FSAF1: variants seen among roughly 807,000 people sequenced by gnomAD.
FSAF1 encodes 40S small subunit processome assembly factor 1, also known as uncharacterized protein C1orf131.
chr1:231,230,147 CTT>C, the FSAF1 span, among the ~76,000 whole-genome samples: 1 of 152,048 alleles, frequency 6.6e-6, no homozygotes, highest in African/African-American at 2.4e-5. Context: ...GGAGACAATA[CTT>C]TTTAGGGTCT....
At chr1:231,238,056 C>G in the FSAF1 span, 1 of 152,300 alleles carries the variant, frequency 6.6e-6, no homozygotes, top group East Asian at 1.9e-4. Flanking sequence ...GTGGCAGGCA[C>G]CTGTAGTCCC....
the FSAF1 span, chr1:231,229,027 T>C: frequency 1.9e-5 from 11 of 586,760 alleles, 1 homozygote; most frequent in South Asian, 2.7e-4. Context: ...ACCTAACATC[T>C]ATACTACATA....
At chr1:231,225,269 T>C in the FSAF1 span, 5 of 583,950 alleles carry the variant, frequency 8.6e-6, no homozygotes. Context: ...AGTGGAAGAT[T>C]GGAGAAACTT....
the FSAF1 span, chr1:231,240,905 G>A: frequency 0.02 from 17,111 of 875,368 alleles, 227 homozygotes; most frequent in Non-Finnish European, 0.025. This position sits in a 1 kb window ranked among gnomAD's most constrained non-coding sequence, Gnocchi z 4.1. Flanking sequence ...GGGACGAAGG[G>A]TGCTTGACAT....
At chr1:231,228,940 G>C in the FSAF1 span, among the ~76,000 whole-genome samples, 1 of 152,200 alleles carries the variant, frequency 6.6e-6, no homozygotes, top group Admixed American at 6.5e-5. Flanking sequence ...AGTGATCTGA[G>C]ATGGTGCCAT....
chr1:231,224,938 C>G, the FSAF1 span: 1 of 165,542 alleles, frequency 6.0e-6, no homozygotes, highest in South Asian at 1.7e-4. Context: ...AGATACAGAT[C>G]GGTGGCCAGA....
At chr1:231,230,460 G>A in the FSAF1 span, among the ~76,000 whole-genome samples, 944 of 152,238 alleles carry the variant, frequency 6.2e-3, 13 homozygotes, top group Non-Finnish European at 7.8e-3. Flanking sequence ...AGAAAATGAT[G>A]TTGCTGCAAA....
chr1:231,228,748 A>G, the FSAF1 span, among the ~76,000 whole-genome samples: 1 of 152,202 alleles, frequency 6.6e-6, no homozygotes. Context: ...GCACTCTGGG[A>G]GGCCGAGATG....
the FSAF1 span, chr1:231,226,646 T>C: frequency 8.5e-7 from 1 of 1,175,226 alleles, no homozygotes; most frequent in Non-Finnish European, 1.3e-6. Flanking sequence ...GTGCCTTCAT[T>C]GCTCTCCAAG....
At chr1:231,239,272 A>C in the FSAF1 span, 4 of 1,225,246 alleles carry the variant, frequency 3.3e-6, no homozygotes, top group Non-Finnish European at 2.2e-6. Context: ...GTATTTGTAC[A>C]TATTCCAGGG....
the FSAF1 span, among the ~76,000 whole-genome samples, chr1:231,240,850 G>C: frequency 1.3e-5 from 2 of 152,328 alleles, no homozygotes; most frequent in South Asian, 2.1e-4. This position sits in a 1 kb window ranked among gnomAD's most constrained non-coding sequence, Gnocchi z 4.1. Context: ...GCCCGGTCGA[G>C]GGGTGACTTC....
the FSAF1 span, chr1:231,225,677 C>T: frequency 5.6e-6 from 4 of 710,902 alleles, no homozygotes; most frequent in South Asian, 5.2e-5. Flanking sequence ...AAGTTTTACC[C>T]TAAAACCCTT....
chr1:231,224,630 G>T, the FSAF1 span: 1 of 503,632 alleles, frequency 2.0e-6, no homozygotes, highest in Non-Finnish European at 3.4e-6. Flanking sequence ...GGAATGTTCT[G>T]CTACCAGCTC....
At chr1:231,227,620 A>C in the FSAF1 span, among the ~76,000 whole-genome samples, 1 of 106,022 alleles carries the variant, frequency 9.4e-6, no homozygotes. Context: ...ACGGAGTCTC[A>C]CTCTGTTGCC....
the FSAF1 span, chr1:231,229,251 C>G: frequency 7.8e-7 from 1 of 1,278,878 alleles, no homozygotes; most frequent in Non-Finnish European, 1.1e-6. Context: ...GTTACTATAT[C>G]ATTATAGTAT....
chr1:231,231,574 G>T, the FSAF1 span, among the ~76,000 whole-genome samples: 2 of 152,126 alleles, frequency 1.3e-5, no homozygotes, highest in African/African-American at 4.8e-5. Flanking sequence ...AGGCACGTCA[G>T]ATTTCTAGCA....
chr1:231,238,637 C>T, the FSAF1 span: 2 of 465,632 alleles, frequency 4.3e-6, no homozygotes, highest in Non-Finnish European at 7.6e-6. Flanking sequence ...TGAATACCTG[C>T]TTTTCACTGG....
At chr1:231,239,043 C>T in the FSAF1 span, 3 of 1,614,126 alleles carry the variant, frequency 1.9e-6, no homozygotes, top group Non-Finnish European at 1.7e-6. Context: ...TGAAGAAGCT[C>T]GAAGCGCTCT....
the FSAF1 span, among the ~76,000 whole-genome samples, chr1:231,232,045 G>GA: frequency 2.0e-5 from 3 of 151,338 alleles, no homozygotes; most frequent in Admixed American, 6.6e-5. Flanking sequence ...AAACTTTTGG[G>GA]AAAAAAAAAT....
Sources: gnomAD v4.1 joint callset for allele counts (sites outside exome capture counted in the v4.1 genomes callset) on GRCh38, gnomAD v4.1.1 for gene constraint, Gnocchi (gnomAD v3.1) non-coding constraint, MANE v1.5 for transcripts, NCBI Gene and HGNC (gene_info 2026-07-23, HGNC 2026-07-21) for gene names.